Variants in ACAD11 observed in about 807,000 individuals in gnomAD.
The protein encoded by ACAD11 is acyl-CoA dehydrogenase family member 11.
Under a neutral mutation model 102.2 loss-of-function variants are expected in ACAD11, and 83 were observed. That is an observed-to-expected ratio of 0.81 (90% CI 0.68 to 0.97). ACAD11 has a LOEUF of 0.97. Among genes scored for constraint, ACAD11 ranks in the 50% least tolerant of loss-of-function variants. The pLI is 0.00. For synonymous variants in ACAD11, 324 were observed against 319.8 expected, an observed-to-expected ratio of 1.01 and a Z score of -0.14; for missense variants, 901 against 951.7, an observed-to-expected ratio of 0.95 and a Z score of 0.70.
chr3:132,644,651 A>G (rs1940650748), intron 2 of ACAD11, 146 bp downstream of exon 2: 6 of 399,658 alleles, frequency 1.5e-5, no homozygotes, highest in Non-Finnish European at 2.6e-5. Flanking sequence ...AAAAGATATA[A>G]TTCAAGGGAA....
At chr3:132,617,013 C>G (rs1939433449) in intron 11 of ACAD11, among the ~76,000 whole-genome samples, 1 of 152,134 alleles carries the variant, frequency 6.6e-6, no homozygotes, top group Admixed American at 6.5e-5. Flanking sequence ...CCAGTACTGT[C>G]TCATATACCT....
intron 13 of ACAD11, among the ~76,000 whole-genome samples, chr3:132,584,993 A>G (rs1373505623): frequency 6.6e-6 from 1 of 152,216 alleles, no homozygotes; most frequent in Non-Finnish European, 1.5e-5. Flanking sequence ...GGAAAAAACT[A>G]CTTTAAAGTT....
At chr3:132,589,425 T>C (rs1284935295) in intron 13 of ACAD11, among the ~76,000 whole-genome samples, 1 of 152,240 alleles carries the variant, frequency 6.6e-6, no homozygotes, top group African/African-American at 2.4e-5. Context: ...TATGCAATCA[T>C]GCTTTGATTC....
chr3:132,653,560 T>C (rs1204239981), intron 1 of ACAD11, among the ~76,000 whole-genome samples: 1 of 152,208 alleles, frequency 6.6e-6, no homozygotes, highest in Non-Finnish European at 1.5e-5. Flanking sequence ...TATGATGTTA[T>C]TTTTTAAAAA....
intron 13 of ACAD11, among the ~76,000 whole-genome samples, chr3:132,586,867 C>T (rs1324504207): frequency 2.6e-5 from 4 of 152,104 alleles, no homozygotes; most frequent in South Asian, 2.1e-4. Flanking sequence ...CTGAGGTGGG[C>T]GGATCACCTG....
Position 132,616,166 on chromosome 3 carries a change from C to A in ACAD11, c.1414+2468G>T, listed in dbSNP as rs939991124. On this transcript the variant is annotated intron_variant, in intron 11 of 19. Transcript: ENST00000264990. ...GCCTAGTTTTCTATTTATAGTTGTA[C>A]ACAACTTGTTTGCTTAGAAGAGTTG... 3.3e-5 allele frequency among the ~76,000 whole-genome samples: 5 copies of A among 152,138 alleles called. No homozygotes were observed. In the East Asian group the frequency reaches 9.6e-4, roughly 29 times the overall value.
chr3:132,638,990 A>G (rs1023980221), intron 5 of ACAD11, among the ~76,000 whole-genome samples: 1 of 152,192 alleles, frequency 6.6e-6, no homozygotes, highest in Non-Finnish European at 1.5e-5. Context: ...TTTATAAAGA[A>G]TACAGTATGC....
At chr3:132,592,032 G>A (rs1395924987) in intron 13 of ACAD11, among the ~76,000 whole-genome samples, 6 of 152,068 alleles carry the variant, frequency 3.9e-5, no homozygotes, top group Admixed American at 2.0e-4. Flanking sequence ...CTTATATGGA[G>A]AACAATTAAT....
chr3:132,635,979 C>A (rs1250432007), intron 5 of ACAD11, among the ~76,000 whole-genome samples: 1 of 152,008 alleles, frequency 6.6e-6, no homozygotes, highest in East Asian at 1.9e-4. Context: ...TTTTAACATC[C>A]AAAGTAAAGA....
chr3:132,615,383 T>C (rs1939364086), intron 11 of ACAD11, among the ~76,000 whole-genome samples: 1 of 152,200 alleles, frequency 6.6e-6, no homozygotes, highest in South Asian at 2.1e-4. Flanking sequence ...CATGTATGTT[T>C]ATTGCAGCAC....
rs142351422 is a variant in ACAD11 at position 132,600,853 on chromosome 3, A to C, written c.1621+2376T>G. 1.1e-5 allele frequency: 17 copies of C among 1,613,972 alleles called. No individual in the cohort carries two copies. The East Asian group carries it at 3.6e-4, about 34-fold the overall frequency. ...TCCCCAGCCAATCAGGAGTGGGAAA[A>C]CCATGCTGGATCATCTGTTTCTGTG... On this transcript the variant is annotated intron_variant, in intron 13 of 19. Coordinates refer to ENST00000264990, the MANE Select transcript of ACAD11 (RefSeq NM_032169.5).
At chr3:132,559,773 G>GTA in intron 19 of ACAD11, 60 bp downstream of exon 19, 1 of 1,349,940 alleles carries the variant, frequency 7.4e-7, no homozygotes, top group Non-Finnish European at 1.0e-6. Flanking sequence ...CAAGGCATCT[G>GTA]TAGATTTTTT....
Position 132,575,885 on chromosome 3 carries a change from G to T in ACAD11, c.1888C>A (p.Pro630Thr). Reference sequence around the variant, plus strand: ...CTCATACAGTGGTGGATTCTGCCAGGTCCAAGGCGGCCTTGGGAAATTTCA... The same window carrying T: ...CTCATACAGTGGTGGATTCTGCCAGTTCCAAGGCGGCCTTGGGAAATTTCA... Reference protein sequence around the residue: ...GFEISQGRLGPGRIHHCMRTV... With the variant: ...GFEISQGRLGTGRIHHCMRTV... Residue 630 changes from proline to threonine, a missense_variant, in exon 17 of 20, where the codon CCT becomes ACT. Pro to Thr is a conservative substitution (Grantham distance 38). Transcript: ENST00000264990. 4.3e-6 allele frequency: 7 copies of T among 1,613,996 alleles called. No individual in the cohort carries two copies. Among genetic ancestry groups the T allele is most frequent in the South Asian group, 1.1e-5 (1 of 91,062 alleles).
At chr3:132,618,880 C>G in intron 10 of ACAD11, 108 bp from the exon 11 acceptor site, 3 of 1,107,282 alleles carry the variant, frequency 2.7e-6, no homozygotes, top group African/African-American at 1.6e-5. Context: ...TTTAAAAACA[C>G]TTATGGAGTT....
Position 132,575,775 on chromosome 3 carries a change from T to C in ACAD11, c.1998A>G (p.Ala666=), listed in dbSNP as rs1937513477. ...QRIAFKKKLY[A]HEVVAHWIAE... ...TCAAATAAGTAATCGTCCTCACATG[T>C]GCATACAACTTCTTCTTGAAAGCTA... is the stretch of plus-strand genomic sequence containing the variant. The change falls in exon 17 of 20, where the codon GCA becomes GCG. Residue 666 remains alanine (A), a synonymous_variant. Coordinates refer to ENST00000264990, the MANE Select transcript of ACAD11 (RefSeq NM_032169.5). The C allele has an allele frequency of 1.2e-6, 2 of 1,613,928 alleles. No individual in the cohort carries two copies. Among genetic ancestry groups the C allele is most frequent in the Admixed American group, 1.7e-5 (1 of 59,998 alleles).
intron 5 of ACAD11, among the ~76,000 whole-genome samples, chr3:132,632,152 C>T (rs1474292161): frequency 6.6e-6 from 1 of 150,968 alleles, no homozygotes; most frequent in Non-Finnish European, 1.5e-5. Flanking sequence ...GGCGCGATCT[C>T]TGCTCACTGC....
chr3:132,566,085 A>G (rs1937200159), intron 17 of ACAD11, among the ~76,000 whole-genome samples: 1 of 152,228 alleles, frequency 6.6e-6, no homozygotes, highest in African/African-American at 2.4e-5. Context: ...CAGCTGAAGC[A>G]ATTGAAAAAA....
intron 1 of ACAD11, among the ~76,000 whole-genome samples, chr3:132,658,716 T>C (rs1296359741): frequency 6.6e-6 from 1 of 152,210 alleles, no homozygotes; most frequent in African/African-American, 2.4e-5. Flanking sequence ...ATCCATCTCA[T>C]TTATTATTAT....
At chr3:132,563,294 T>C (rs1448607255) in intron 17 of ACAD11, among the ~76,000 whole-genome samples, 1 of 152,218 alleles carries the variant, frequency 6.6e-6, no homozygotes, top group Non-Finnish European at 1.5e-5. Context: ...TTAGTGTTTT[T>C]GTATTTCCAT....
Sources: gnomAD v4.1 joint callset for allele counts (sites outside exome capture counted in the v4.1 genomes callset) on GRCh38, gnomAD v4.1.1 for gene constraint, MANE v1.5 for transcripts, NCBI Gene and HGNC (gene_info 2026-07-23, HGNC 2026-07-21) for gene names.